PRKCE: variants seen among roughly 807,000 people sequenced by gnomAD.
PRKCE encodes protein kinase C epsilon, also known as protein kinase C epsilon type.
PRKCE carries 16 observed loss-of-function variants against 85.4 expected under a neutral mutation model. The ratio of observed to expected loss-of-function variants is 0.19; its 90% CI spans 0.13 to 0.28. The LOEUF is 0.28. Among genes scored for constraint, PRKCE ranks in the 10% least tolerant of loss-of-function variants. The probability of loss-of-function intolerance (pLI) is 1.00; values close to 1 mark genes in which losing one functional copy is unlikely to be tolerated. For missense variants in PRKCE, 573 were observed against 975.2 expected (o/e 0.59, Z 5.49); for synonymous variants, 388 against 371.5 (o/e 1.04, Z -0.51).
chr2:46,055,407 G>A (rs547220510), intron 10 of PRKCE, among the ~76,000 whole-genome samples: 111 of 152,324 alleles, frequency 7.3e-4, no homozygotes, highest in African/African-American at 2.3e-3. Flanking sequence ...TCTAGCGCCC[G>A]TGAACTCTAG....
intron 1 of PRKCE, among the ~76,000 whole-genome samples, chr2:45,784,738 G>A (rs1229440950): frequency 6.6e-6 from 1 of 152,120 alleles, no homozygotes; most frequent in Non-Finnish European, 1.5e-5. Flanking sequence ...ACGCCTGTGA[G>A]CCAATAATAT....
At chr2:45,825,940 G>A (rs554374770) in intron 1 of PRKCE, among the ~76,000 whole-genome samples, 7 of 152,144 alleles carry the variant, frequency 4.6e-5, no homozygotes, top group Non-Finnish European at 7.4e-5. Flanking sequence ...GGGGGATGGG[G>A]GGATGATAGA....
At chr2:45,830,171 C>A (rs140276658) in intron 1 of PRKCE, among the ~76,000 whole-genome samples, 1 of 152,108 alleles carries the variant, frequency 6.6e-6, no homozygotes, top group Non-Finnish European at 1.5e-5. Context: ...GTATTACTCT[C>A]CAGAAGAAAC....
intron 2 of PRKCE, among the ~76,000 whole-genome samples, chr2:45,897,027 G>A (rs539674310): frequency 3.6e-4 from 55 of 152,280 alleles, no homozygotes; most frequent in Non-Finnish European, 4.6e-4. Flanking sequence ...GCAGTGAGCC[G>A]TGAGTGTGCC....
At chr2:45,732,059 T>C (rs1681625287) in intron 1 of PRKCE, among the ~76,000 whole-genome samples, 1 of 152,208 alleles carries the variant, frequency 6.6e-6, no homozygotes, top group African/African-American at 2.4e-5. Context: ...AACCTTGTTA[T>C]GAGTAGTTAA....
intron 11 of PRKCE, among the ~76,000 whole-genome samples, chr2:46,092,294 C>A (rs1670238821): frequency 1.3e-5 from 2 of 152,220 alleles, no homozygotes; most frequent in Admixed American, 1.3e-4. Flanking sequence ...TCTTTATCCA[C>A]CAGCAGAGAA....
At chr2:45,842,975 G>A (rs1280153691) in intron 1 of PRKCE, 25 bp from the exon 2 acceptor site, 5 of 1,611,038 alleles carry the variant, frequency 3.1e-6, no homozygotes, top group Non-Finnish European at 1.7e-6. Context: ...CACTAACAGA[G>A]TCACTGTCAT....
Position 45,729,157 on chromosome 2 carries a change from C to G in PRKCE, c.348+76709C>G, listed in dbSNP as rs80196235. 1.1e-4 allele frequency among the ~76,000 whole-genome samples: 17 copies of G among 152,332 alleles called. No homozygotes were observed. The East Asian group carries it at 3.3e-3, about 29-fold the overall frequency. On this transcript the variant is annotated intron_variant, in intron 1 of 14. Coordinates refer to ENST00000306156, the MANE Select transcript of PRKCE (RefSeq NM_005400.3). ...AAAGCCTTGATCAATGGAACAGAGG[C>G]ATTGTCCTTGGGACCCGAAGGAGCT...
chr2:45,838,262 G>A (rs544557461), intron 1 of PRKCE, among the ~76,000 whole-genome samples: 5 of 152,320 alleles, frequency 3.3e-5, no homozygotes, highest in Middle Eastern at 3.4e-3. Flanking sequence ...GTCAGAGGAG[G>A]CTCAGTTGGC....
At chr2:45,818,418 G>A (rs1258968422) in intron 1 of PRKCE, among the ~76,000 whole-genome samples, 1 of 152,168 alleles carries the variant, frequency 6.6e-6, no homozygotes, top group Non-Finnish European at 1.5e-5. Context: ...CCCACCGGAA[G>A]TTTTAGCAAA....
At chr2:45,668,325 A>G (rs1489835387) in intron 1 of PRKCE, among the ~76,000 whole-genome samples, 1 of 152,172 alleles carries the variant, frequency 6.6e-6, no homozygotes, top group Non-Finnish European at 1.5e-5. Flanking sequence ...GGGTGAGAAA[A>G]GTGCTTGTCA....
intron 1 of PRKCE, among the ~76,000 whole-genome samples, chr2:45,722,816 C>T (rs2104473973): frequency 6.6e-6 from 1 of 152,248 alleles, no homozygotes; most frequent in South Asian, 2.1e-4. Flanking sequence ...GATAAGTTAA[C>T]AGGGCTGGGC....
In PRKCE at chr2:45,652,356, G is replaced by A; in HGVS notation, c.256G>A (p.Asp86Asn). 1 of 1,613,642 alleles carries A rather than the reference G, an allele frequency of 6.2e-7. No individual in the cohort carries two copies. ...CAAGATCGAGCTGGCTGTCTTTCACGATGCCCCCATAGGCTACGACGACTT... is the reference window on the plus strand; with the variant it reads ...CAAGATCGAGCTGGCTGTCTTTCACAATGCCCCCATAGGCTACGACGACTT... The part of the protein sequence containing the change: ...GRKIELAVFH[D>N]APIGYDDFVA... Residue 86 changes from aspartate (D) to asparagine (N), a missense_variant, in exon 1 of 15, where the codon GAT becomes AAT. By Grantham distance (23) the Asp-to-Asn change is conservative (BLOSUM62 1). This residue lies in a region of PRKCE where 100 missense variants were observed against 177.1 expected (regional missense o/e 0.56). Transcript: ENST00000306156. The surrounding 1 kb of genome is among the most constrained non-coding windows in gnomAD (Gnocchi z 7.7).
rs367720960 is a variant in PRKCE, at chr2:46,032,921, A to T, written c.1437+22404A>T. On this transcript the variant is annotated intron_variant, in intron 10 of 14. Transcript: ENST00000306156. The stretch of plus-strand genomic sequence containing the variant: ...GAGAAAAGAGCTCTCTTTCCCAAAA[A>T]TTCATCATGGACTGGAAACACGGAG... Among the ~76,000 whole-genome samples the T allele has an allele frequency of 3.9e-5, 6 of 152,294 alleles. No individual in the cohort carries two copies. In the South Asian group the frequency reaches 8.3e-4, roughly 21 times the overall value.
At chr2:46,007,817 T>C (rs1705336040) in intron 9 of PRKCE, among the ~76,000 whole-genome samples, 156 bp downstream of exon 9, 1 of 152,234 alleles carries the variant, frequency 6.6e-6, no homozygotes. Context: ...GCCAAGTAGA[T>C]AGGAGCGCTG....
At chr2:45,723,234 C>G (rs1680770978) in intron 1 of PRKCE, among the ~76,000 whole-genome samples, 1 of 152,202 alleles carries the variant, frequency 6.6e-6, no homozygotes, top group African/African-American at 2.4e-5. Context: ...GTTATTCTTC[C>G]CCTAGAGATT....
intron 11 of PRKCE, among the ~76,000 whole-genome samples, chr2:46,099,125 C>G (rs1214031255): frequency 6.6e-6 from 1 of 152,148 alleles, no homozygotes; most frequent in African/African-American, 2.4e-5. Flanking sequence ...AAGCAAGGAG[C>G]TGGGTTGCTT....
intron 11 of PRKCE, among the ~76,000 whole-genome samples, chr2:46,105,170 A>AT (rs201614121): frequency 6.6e-6 from 1 of 152,054 alleles, no homozygotes; most frequent in East Asian, 1.9e-4. Context: ...TTATCTTGAC[A>AT]TTTTTTTAAG....
intron 11 of PRKCE, among the ~76,000 whole-genome samples, chr2:46,128,833 A>T (rs1674125470): frequency 6.6e-6 from 1 of 152,166 alleles, no homozygotes; most frequent in Admixed American, 6.5e-5. Context: ...CTGGGGAGAG[A>T]CCACCAGAGA....
Sources: gnomAD v4.1 joint callset for allele counts (sites outside exome capture counted in the v4.1 genomes callset) on GRCh38, gnomAD v4.1.1 for gene constraint, gnomAD v4.1.1 regional missense constraint, Gnocchi (gnomAD v3.1) non-coding constraint, MANE v1.5 for transcripts, NCBI Gene and HGNC (gene_info 2026-07-23, HGNC 2026-07-21) for gene names.